DUSP22: variants seen among roughly 807,000 people sequenced by gnomAD.
DUSP22 encodes the protein dual specificity protein phosphatase 22.
A neutral mutation model predicts 24.5 loss-of-function variants in DUSP22; 24 were observed. The ratio of observed to expected loss-of-function variants is 0.98; its 90% CI spans 0.71 to 1.38. The LOEUF (loss-of-function observed/expected upper bound fraction) is 1.38, where lower values mean the gene tolerates loss of function less well. DUSP22 is among the 40% of genes most tolerant of loss of function. The pLI is 0.00. For synonymous variants in DUSP22, 160 were observed against 106.4 expected (o/e 1.50, Z -3.10); for missense variants, 330 against 269.2 (o/e 1.23, Z -1.58).
chr6:350,065 C>G lies in DUSP22; in HGVS notation c.*1114C>G, dbSNP rs1000475689. On this transcript the variant is annotated 3_prime_UTR_variant, in exon 7 of 7. Transcript: ENST00000419235. ...CATTTATTAAGCTTCTTGGTATTCACTTGGGTTTGATAATTGATCTGAGCT... is the reference window on the plus strand; with the variant it reads ...CATTTATTAAGCTTCTTGGTATTCAGTTGGGTTTGATAATTGATCTGAGCT... 2.6e-5 allele frequency: 26 copies of G among 985,660 alleles called. No homozygotes were observed. The African/African-American group carries it at 4.5e-4, about 17-fold the overall frequency. 61.1% of individuals were successfully genotyped at this position (985,660 alleles called of 1,614,324 possible). A position where few individuals can be genotyped will look rare whatever the true frequency, so the allele number is the denominator to read the frequency against.
At chr6:305,773 A>C (rs1333000379) in intron 2 of DUSP22, among the ~76,000 whole-genome samples, 1 of 152,310 alleles carries the variant, frequency 6.6e-6, no homozygotes, top group Non-Finnish European at 1.5e-5. Flanking sequence ...GCTTGCAGGC[A>C]GGTCCCCACT....
chr6:297,972 C>T (rs2127388973), intron 1 of DUSP22, among the ~76,000 whole-genome samples: 1 of 152,428 alleles, frequency 6.6e-6, no homozygotes, highest in South Asian at 2.1e-4. Context: ...ATAGGAAAGA[C>T]ACGAAGACCC....
intron 3 of DUSP22, among the ~76,000 whole-genome samples, chr6:323,338 T>C (rs1392837784): frequency 6.6e-6 from 1 of 152,302 alleles, no homozygotes; most frequent in Non-Finnish European, 1.5e-5. Context: ...CCGCAGCTAC[T>C]GCCAGCGTCA....
chr6:347,448 C>T (rs533718674), intron 5 of DUSP22, among the ~76,000 whole-genome samples: 894 of 152,092 alleles, frequency 5.9e-3, no homozygotes, highest in African/African-American at 0.02. Context: ...ATTCTGTGAC[C>T]GCCTTCATTT....
chr6:336,458 A>G (rs1013792829), intron 4 of DUSP22, among the ~76,000 whole-genome samples: 1 of 152,306 alleles, frequency 6.6e-6, no homozygotes, highest in African/African-American at 2.4e-5. Flanking sequence ...TCTGGGAGTT[A>G]TTGAACGCTG....
rs748265668 is a variant in DUSP22, at chr6:304,655, T to G, written c.49T>G (p.Phe17Val). 1 of 1,614,246 alleles carries G rather than the reference T, an allele frequency of 6.2e-7. No homozygotes were observed. The highest frequency in any genetic ancestry group is 8.5e-7 in the Non-Finnish European group (1 of 1,180,016). The change falls in exon 2 of 7, where the codon TTC (phenylalanine) becomes GTC (valine). Residue 17 changes from phenylalanine to valine, a missense_variant. Coordinates refer to ENST00000419235, the MANE Select transcript of DUSP22 (RefSeq NM_001286555.3). The stretch of plus-strand genomic sequence containing the variant: ...CCTGCCCGGCCTGTACATCGGCAAC[T>G]TCAAAGGTGAGTTCTTGCTTTTTTA... The part of the protein sequence containing the change: ...KILPGLYIGN[F>V]KDARDAEQLS...
chr6:313,602 C>A (rs947815805), intron 3 of DUSP22, among the ~76,000 whole-genome samples: 11 of 152,418 alleles, frequency 7.2e-5, no homozygotes, highest in Admixed American at 3.3e-4. Context: ...GAAGTGCTAC[C>A]CCTTTTCTTC....
At chr6:304,756 G>T (rs573709983) in intron 2 of DUSP22, 95 bp downstream of exon 2, 1 of 1,545,396 alleles carries the variant, frequency 6.5e-7, no homozygotes, top group South Asian at 1.1e-5. Context: ...GTGGCTTTAA[G>T]TAATTTGCAT....
chr6:318,304 G>C (rs879689205), intron 3 of DUSP22, among the ~76,000 whole-genome samples: 1 of 152,312 alleles, frequency 6.6e-6, no homozygotes, highest in Non-Finnish European at 1.5e-5. Flanking sequence ...CAAGCCCCAT[G>C]CCAGGGTTGG....
intron 1 of DUSP22, among the ~76,000 whole-genome samples, chr6:298,515 C>G (rs1757439924): frequency 6.6e-6 from 1 of 152,304 alleles, no homozygotes; most frequent in Non-Finnish European, 1.5e-5. Flanking sequence ...AAAGTAAACT[C>G]AAAATATTTC....
At chr6:313,283 T>TC (rs778558849) in intron 3 of DUSP22, among the ~76,000 whole-genome samples, 76 of 152,394 alleles carry the variant, frequency 5.0e-4, no homozygotes, top group Non-Finnish European at 9.0e-4. Context: ...TGCTTCATAC[T>TC]CCATTAAATG....
chr6:296,868 G>T (rs758781595), intron 1 of DUSP22, among the ~76,000 whole-genome samples: 1 of 152,422 alleles, frequency 6.6e-6, no homozygotes. Context: ...GCCAGGGTTC[G>T]TTTAGCTCAT....
intron 1 of DUSP22, among the ~76,000 whole-genome samples, chr6:298,669 A>T (rs1486254459): frequency 6.6e-6 from 1 of 152,308 alleles, no homozygotes; most frequent in Non-Finnish European, 1.5e-5. Context: ...ATTTCTGCAG[A>T]AGGATTCTGC....
At chr6:335,616 A>G (rs1186807215) in intron 4 of DUSP22, among the ~76,000 whole-genome samples, 14 of 152,304 alleles carry the variant, frequency 9.2e-5, no homozygotes, top group African/African-American at 2.7e-4. Context: ...TTCTAATAAT[A>G]TATTTTACTT....
At chr6:319,513 T>C (rs1308014912) in intron 3 of DUSP22, among the ~76,000 whole-genome samples, 1 of 152,304 alleles carries the variant, frequency 6.6e-6, no homozygotes, top group African/African-American at 2.4e-5. Context: ...GTGTGATCTA[T>C]TTCTACCTGA....
chr6:348,719 C>T (rs755648821), intron 6 of DUSP22, 50 bp from the exon 7 acceptor site: 1 of 1,609,090 alleles, frequency 6.2e-7, no homozygotes, highest in Non-Finnish European at 8.5e-7. Context: ...CACGTGGATG[C>T]AGACGTGCAC....
At chr6:311,852 A>AC in intron 2 of DUSP22, 28 bp from the exon 3 acceptor site, 1 of 1,603,574 alleles carries the variant, frequency 6.2e-7, no homozygotes, top group Non-Finnish European at 8.5e-7. Flanking sequence ...AAGATATCAA[A>AC]ATGTCCATCC....
In DUSP22 at chr6:348,885, C is replaced by G. The variant is rs1258459089; in HGVS notation, c.552C>G (p.Ala184=). ...GGCGCACAGAGCCCCAGCCCGGCGC[C>G]AGGCGGTGGAGCAGTTTTCCGGCAC... is the stretch of plus-strand genomic sequence containing the variant. ...EQGRTEPQPG[A]RRWSSFPALA... The change falls in exon 7 of 7, where the codon GCC becomes GCG. Residue 184 remains alanine (A), a synonymous_variant. Transcript: ENST00000419235. 5.6e-6 allele frequency: 9 copies of G among 1,614,082 alleles called. No homozygotes were observed. Among genetic ancestry groups the G allele is most frequent in the Non-Finnish European group, 6.8e-6 (8 of 1,180,020 alleles).
At chr6:308,904 G>A (rs903480195) in intron 2 of DUSP22, among the ~76,000 whole-genome samples, 3 of 152,306 alleles carry the variant, frequency 2.0e-5, no homozygotes, top group East Asian at 1.9e-4. Flanking sequence ...TGGGTCAGAT[G>A]AGCTGGCGCC....
Sources: allele counts gnomAD v4.1 joint callset (sites outside exome capture counted in the v4.1 genomes callset), GRCh38; gene constraint gnomAD v4.1.1; transcripts MANE v1.5; gene names NCBI Gene and HGNC (gene_info 2026-07-23, HGNC 2026-07-21).